NEBL: variants seen among roughly 807,000 people sequenced by gnomAD.
NEBL encodes the protein nebulette.
Under a neutral mutation model 140.2 loss-of-function variants are expected in NEBL, and 122 were observed. That is an observed-to-expected ratio of 0.87 (90% CI 0.75 to 1.01). The LOEUF is 1.01. Ranked by LOEUF, NEBL falls within the 50% of genes least tolerant of loss-of-function variation. The pLI, the probability that NEBL is intolerant of heterozygous loss-of-function variation, is 0.00. For missense variants in NEBL, 1,365 were observed against 1,231.3 expected (o/e 1.11, Z -1.62); for synonymous variants, 436 against 398.9 (o/e 1.09, Z -1.11).
chr10:20,847,560 A>G (rs976001397), intron 11 of NEBL, among the ~76,000 whole-genome samples: 3 of 152,122 alleles, frequency 2.0e-5, no homozygotes, highest in Non-Finnish European at 4.4e-5. Flanking sequence ...AAACTGTGCA[A>G]CCAGAATGAT....
intron 2 of NEBL, among the ~76,000 whole-genome samples, chr10:21,062,081 C>T (rs981051313): frequency 3.9e-5 from 6 of 152,172 alleles, no homozygotes; most frequent in Admixed American, 3.9e-4. Context: ...AGATTCTAGT[C>T]GTGTTCTGTG....
At chr10:20,987,945 G>C (rs1266689440) in intron 3 of NEBL, among the ~76,000 whole-genome samples, 1 of 152,136 alleles carries the variant, frequency 6.6e-6, no homozygotes, top group African/African-American at 2.4e-5. Flanking sequence ...CCATGGTACA[G>C]CATTATGGTT....
At chr10:20,859,683 G>C in intron 8 of NEBL, 30 bp downstream of exon 8, 1 of 1,333,238 alleles carries the variant, frequency 7.5e-7, no homozygotes, top group African/African-American at 1.4e-5. Context: ...AAAAGATTTT[G>C]AAAATAATTT....
intron 3 of NEBL, among the ~76,000 whole-genome samples, chr10:21,188,961 C>T (rs935182483): frequency 6.6e-6 from 1 of 152,000 alleles, no homozygotes; most frequent in African/African-American, 2.4e-5. Flanking sequence ...AGGGGACATA[C>T]TTTGTCACCT....
rs1014268457 is a variant in NEBL, at chr10:20,813,050, A to G, written c.2347-110T>C. On this transcript the variant is annotated intron_variant, in intron 23 of 27. Coordinates refer to ENST00000377122, the MANE Select transcript of NEBL (RefSeq NM_006393.3). ...CACTGGCTGCGTGCAGATTGTCTAC[A>G]TGTATGTATCTTTTCCAAATACTCC... is the stretch of plus-strand genomic sequence containing the variant. 2.0e-5 allele frequency: 18 copies of G among 892,504 alleles called. No homozygotes were observed. In the Middle Eastern group the frequency reaches 1.6e-3, roughly 79 times the overall value. 55.3% of individuals were successfully genotyped at this position (892,504 alleles called of 1,614,324 possible).
chr10:21,159,944 G>T (rs752756333), intron 2 of NEBL, among the ~76,000 whole-genome samples: 5 of 152,132 alleles, frequency 3.3e-5, no homozygotes, highest in Non-Finnish European at 7.4e-5. Flanking sequence ...AGAATTACTT[G>T]ATCCTTCCTC....
At chr10:21,216,574 C>A (rs374258154) in intron 3 of NEBL, among the ~76,000 whole-genome samples, 7 of 152,130 alleles carry the variant, frequency 4.6e-5, no homozygotes, top group South Asian at 4.1e-4. Flanking sequence ...AGTTCGATAC[C>A]AGCCTGGCCA....
intron 3 of NEBL, among the ~76,000 whole-genome samples, chr10:21,198,069 C>G (rs1429282370): frequency 6.6e-6 from 1 of 152,186 alleles, no homozygotes; most frequent in Non-Finnish European, 1.5e-5. Context: ...GTAAATTACA[C>G]AGCAAGAAAA....
chr10:21,189,862 T>C (rs904716505), intron 3 of NEBL, among the ~76,000 whole-genome samples: 11 of 152,188 alleles, frequency 7.2e-5, no homozygotes, highest in Admixed American at 3.9e-4. Flanking sequence ...TTCTAAAGTG[T>C]CCATTTTTCT....
In NEBL at chr10:21,143,386, T is replaced by G. The variant is rs189488776; in HGVS notation, c.164+28997A>C. Among the ~76,000 whole-genome samples, 425 of 142,952 alleles carry G rather than the reference T, an allele frequency of 3.0e-3. 5 individuals are homozygous for G. Among genetic ancestry groups the G allele is most frequent in the African/African-American group, 0.011 (404 of 37,542 alleles). The allele number at this position is 142,952 out of a possible 152,430, so 93.8% of individuals were successfully genotyped here. The stretch of plus-strand genomic sequence containing the variant: ...ATAGCTTGAACCCGGGACGTGGAGG[T>G]TGCAGAGAGCTGAGATAGCACCACT... On this transcript the variant is annotated intron_variant, in intron 2 of 6. Transcript: ENST00000417816.
At chr10:20,885,706 A>G (rs1846454790) in intron 4 of NEBL, among the ~76,000 whole-genome samples, 1 of 152,232 alleles carries the variant, frequency 6.6e-6, no homozygotes, top group Admixed American at 6.5e-5. Context: ...TAAAAGCAAT[A>G]ATAGATTGTT....
chr10:21,150,373 G>T (rs934963621), intron 2 of NEBL, among the ~76,000 whole-genome samples: 1 of 152,124 alleles, frequency 6.6e-6, no homozygotes, highest in African/African-American at 2.4e-5. Context: ...AGTCACTTTG[G>T]TGTAAAATAA....
intron 1 of NEBL, among the ~76,000 whole-genome samples, chr10:21,288,240 C>T (rs1027021572): frequency 3.9e-5 from 6 of 152,078 alleles, no homozygotes; most frequent in South Asian, 2.1e-4. Flanking sequence ...GAGGCCAAGG[C>T]GGGCGGATCA....
At chr10:21,178,741 T>C (rs1007606442), upstream of NEBL, among the ~76,000 whole-genome samples, 1 of 152,172 alleles carries the variant, frequency 6.6e-6, no homozygotes, top group Admixed American at 6.5e-5. Flanking sequence ...TCAAAATAAG[T>C]CCCAAACTTC....
At chr10:21,073,221 G>A (rs1435799447) in intron 2 of NEBL, among the ~76,000 whole-genome samples, 1 of 152,006 alleles carries the variant, frequency 6.6e-6, no homozygotes, top group East Asian at 1.9e-4. Context: ...ACTTTAGGAG[G>A]CTGAAGCAGG....
intron 4 of NEBL, among the ~76,000 whole-genome samples, chr10:20,959,525 A>G (rs1447689756): frequency 2.0e-5 from 3 of 152,154 alleles, no homozygotes; most frequent in Non-Finnish European, 4.4e-5. Context: ...TTATAGAAAA[A>G]GATCCTTGAG....
intron 2 of NEBL, among the ~76,000 whole-genome samples, chr10:21,130,133 A>G (rs1238811230): frequency 6.6e-6 from 1 of 152,156 alleles, no homozygotes; most frequent in East Asian, 1.9e-4. Flanking sequence ...ACTTCAAAAC[A>G]GGGAAAGTCA....
chr10:20,999,338 T>C (rs1432912511), intron 3 of NEBL, among the ~76,000 whole-genome samples: 1 of 152,180 alleles, frequency 6.6e-6, no homozygotes, highest in Non-Finnish European at 1.5e-5. Flanking sequence ...GGCTCACGCC[T>C]GTAATCTCAG....
At chr10:20,975,399 T>C (rs979673178) in intron 3 of NEBL, among the ~76,000 whole-genome samples, 12 of 152,014 alleles carry the variant, frequency 7.9e-5, no homozygotes, top group African/African-American at 2.9e-4. Context: ...AGTACAGCTA[T>C]TTGAGAAACA....
Sources: gnomAD v4.1 joint callset for allele counts (sites outside exome capture counted in the v4.1 genomes callset) on GRCh38, gnomAD v4.1.1 for gene constraint, MANE v1.5 for transcripts, NCBI Gene and HGNC (gene_info 2026-07-23, HGNC 2026-07-21) for gene names.